Variants in NCK1 observed in about 807,000 individuals in gnomAD.
NCK1 encodes SH2/SH3 adapter protein NCK1.
NCK1 carries 19 observed loss-of-function variants against 36.6 expected under a neutral mutation model. The ratio of observed to expected loss-of-function variants is 0.52; its 90% CI spans 0.36 to 0.76. The LOEUF (loss-of-function observed/expected upper bound fraction) is 0.76, where lower values mean the gene tolerates loss of function less well. NCK1 is among the 30% of genes least tolerant of loss of function. The pLI, the probability that NCK1 is intolerant of heterozygous loss-of-function variation, is 0.00. For missense variants in NCK1, 358 were observed against 445.6 expected (o/e 0.80, Z 1.77); for synonymous variants, 165 against 156.0 (o/e 1.06, Z -0.43).
intron 1 of NCK1, among the ~76,000 whole-genome samples, chr3:136,924,090 G>C (rs1422061929): frequency 6.6e-6 from 1 of 152,170 alleles, no homozygotes; most frequent in Non-Finnish European, 1.5e-5. Flanking sequence ...CCATTGGGTA[G>C]AGGTTTGATG....
intron 1 of NCK1, among the ~76,000 whole-genome samples, chr3:136,889,454 A>G (rs901693351): frequency 2.0e-5 from 3 of 152,088 alleles, no homozygotes; most frequent in Non-Finnish European, 4.4e-5. Context: ...CAGCTCATAA[A>G]GGCAGTGTGG....
At chr3:136,905,950 C>T (rs929440336) in intron 1 of NCK1, among the ~76,000 whole-genome samples, 5 of 149,344 alleles carry the variant, frequency 3.3e-5, no homozygotes, top group African/African-American at 1.2e-4. Context: ...GGATGTATTG[C>T]CCGTGAATTA....
intron 1 of NCK1, among the ~76,000 whole-genome samples, chr3:136,870,341 C>CAAAA (rs34144951): frequency 6.8e-6 from 1 of 146,424 alleles, no homozygotes; most frequent in African/African-American, 2.5e-5. Context: ...GACTTAATCT[C>CAAAA]AAAAAAAAAA....
At chr3:136,915,396 T>A (rs977957906) in intron 1 of NCK1, among the ~76,000 whole-genome samples, 4 of 151,370 alleles carry the variant, frequency 2.6e-5, no homozygotes, top group East Asian at 2.0e-4. Context: ...TAGGGAAAGG[T>A]GTATGAAGAT....
Position 136,945,794 on chromosome 3 carries a change from T to G in NCK1, c.438T>G (p.Gly146=), listed in dbSNP as rs1233504416. 16 of 1,613,932 alleles carry G rather than the reference T, an allele frequency of 9.9e-6. No individual in the cohort carries two copies. Among genetic ancestry groups the G allele is most frequent in the Non-Finnish European group, 1.3e-5 (15 of 1,180,002 alleles). Residue 146 remains glycine, a synonymous_variant, in exon 3 of 4, where the codon GGT becomes GGG. Coordinates refer to ENST00000481752, the MANE Select transcript of NCK1 (RefSeq NM_001291999.2). ...MEKCSDGWWR[G]SYNGQVGWFP... ...AATGCAGTGATGGGTGGTGGCGTGGTAGCTACAATGGACAAGTTGGATGGT... is the reference window on the plus strand; with the variant it reads ...AATGCAGTGATGGGTGGTGGCGTGGGAGCTACAATGGACAAGTTGGATGGT...
At chr3:136,893,601 C>T (rs1315303406) in intron 1 of NCK1, among the ~76,000 whole-genome samples, 1 of 152,104 alleles carries the variant, frequency 6.6e-6, no homozygotes, top group Non-Finnish European at 1.5e-5. Context: ...GTTTACTCTG[C>T]TGATTGTGTC....
At chr3:136,907,836 A>G (rs1939725651) in intron 1 of NCK1, among the ~76,000 whole-genome samples, 1 of 152,302 alleles carries the variant, frequency 6.6e-6, no homozygotes, top group Non-Finnish European at 1.5e-5. Context: ...AGAACATAGA[A>G]TCTTACCTAT....
intron 2 of NCK1, among the ~76,000 whole-genome samples, chr3:136,944,111 C>CTTTTTTTTTTTTTTTTTT (rs1560055771): frequency 1.2e-5 from 1 of 80,926 alleles, no homozygotes; most frequent in Non-Finnish European, 2.2e-5. Flanking sequence ...GGAAAAACAA[C>CTTTTTTTTTTTTTTTTTT]CTTTTTTTTT....
At position 136,948,826 on chromosome 3, in the gene NCK1, T is replaced by C. The variant is rs1385305; in HGVS notation, c.*373T>C. On this transcript the variant is annotated 3_prime_UTR_variant, in exon 4 of 4. Coordinates refer to ENST00000481752, the MANE Select transcript of NCK1 (RefSeq NM_001291999.2). ...CTTGTAAAGGCACCCTGTTCTGTTATGGTTTTTCATTATATAAAATTATTA... is the reference window on the plus strand; with the variant it reads ...CTTGTAAAGGCACCCTGTTCTGTTACGGTTTTTCATTATATAAAATTATTA... 6.1e-3 allele frequency: 941 copies of C among 154,296 alleles called. 6 individuals carry two copies. The highest frequency in any genetic ancestry group is 0.022 in the African/African-American group (909 of 41,618). The allele number at this position is 154,296 out of a possible 1,614,324, so 9.6% of individuals were successfully genotyped here.
intron 1 of NCK1, among the ~76,000 whole-genome samples, chr3:136,924,544 G>T (rs1940191425): frequency 6.6e-6 from 1 of 152,190 alleles, no homozygotes; most frequent in Non-Finnish European, 1.5e-5. Context: ...AGCAAAAATT[G>T]AATATTAGCA....
rs534800295 is a variant in NCK1, at chr3:136,876,540, C to T, written c.-19+14187C>T. Among the ~76,000 whole-genome samples, 167 of 152,098 alleles carry T rather than the reference C, an allele frequency of 1.1e-3. 1 individual carries two copies. The highest frequency in any genetic ancestry group is 3.3e-3 in the African/African-American group (136 of 41,516). ...AGCTTGGCTTTTATGAACATCCTTCCGTGTCAGTGTATATATAAATCTAAA... is the reference window on the plus strand; with the variant it reads ...AGCTTGGCTTTTATGAACATCCTTCTGTGTCAGTGTATATATAAATCTAAA... On this transcript the variant is annotated intron_variant, in intron 1 of 3. Transcript: ENST00000481752.
Position 136,866,496 on chromosome 3 carries a change from GGGGTTTCTC to G in NCK1, c.-19+4144_-19+4152del, listed in dbSNP as rs1938415828. On this transcript the variant is annotated intron_variant, in intron 1 of 3. Transcript: ENST00000481752. ...CTAATTTTGTATTTTTAGTAGAGACGGGGTTTCTCCGTGTTGGTCAGGCCAGTCTTAAAC... is the reference window on the plus strand; with the variant it reads ...CTAATTTTGTATTTTTAGTAGAGACGCGTGTTGGTCAGGCCAGTCTTAAAC... Among the ~76,000 whole-genome samples, 4 of 151,608 alleles carry G rather than the reference GGGGTTTCTC, an allele frequency of 2.6e-5. No individual in the cohort carries two copies. In the South Asian group the frequency reaches 8.3e-4, roughly 32 times the overall value.
At chr3:136,908,974 A>G (rs112579751) in intron 1 of NCK1, among the ~76,000 whole-genome samples, 7 of 152,240 alleles carry the variant, frequency 4.6e-5, no homozygotes, top group African/African-American at 9.6e-5. Context: ...GAATGAATTA[A>G]TGCTGTTATT....
chr3:136,882,843 G>A (rs1938980342), intron 1 of NCK1, among the ~76,000 whole-genome samples: 1 of 152,162 alleles, frequency 6.6e-6, no homozygotes, highest in South Asian at 2.1e-4. Flanking sequence ...TCTTAATGAA[G>A]AGAACACAGT....
At chr3:136,867,217 TTC>T (rs1938474040) in intron 1 of NCK1, among the ~76,000 whole-genome samples, 1 of 144,978 alleles carries the variant, frequency 6.9e-6, no homozygotes, top group African/African-American at 2.6e-5. Flanking sequence ...CCTTCCTTCC[TTC>T]CTTCCGTCCA....
intron 1 of NCK1, among the ~76,000 whole-genome samples, chr3:136,878,009 A>G (rs555170034): frequency 7.2e-5 from 11 of 152,342 alleles, no homozygotes; most frequent in Admixed American, 6.5e-5. Context: ...GAACTGATAC[A>G]TGTTATAACA....
At chr3:136,867,080 C>T (rs1020862151) in intron 1 of NCK1, among the ~76,000 whole-genome samples, 19 of 3,730 alleles carry the variant, frequency 5.1e-3, no homozygotes, top group Non-Finnish European at 0.01. Flanking sequence ...TTCTTTCTTT[C>T]TTTCTTTCTT....
chr3:136,865,824 A>G (rs1244965009), intron 1 of NCK1, among the ~76,000 whole-genome samples: 2 of 152,228 alleles, frequency 1.3e-5, no homozygotes, highest in African/African-American at 4.8e-5. Flanking sequence ...TGAAGATAGA[A>G]TTTATAGTCT....
At chr3:136,926,832 C>A (rs1268509392) in intron 1 of NCK1, among the ~76,000 whole-genome samples, 1 of 152,118 alleles carries the variant, frequency 6.6e-6, no homozygotes, top group Non-Finnish European at 1.5e-5. Context: ...TTGAGACATT[C>A]TTTATGGCCT....
Sources: allele counts gnomAD v4.1 joint callset (sites outside exome capture counted in the v4.1 genomes callset), GRCh38; gene constraint gnomAD v4.1.1; transcripts MANE v1.5; gene names NCBI Gene and HGNC (gene_info 2026-07-23, HGNC 2026-07-21).